ADGRL4: variants seen among roughly 807,000 people sequenced by gnomAD.
ADGRL4 encodes the protein adhesion G protein-coupled receptor L4, also known as EGF, latrophilin and seven transmembrane domain containing 1.
In ADGRL4, 90 loss-of-function variants were observed where a neutral mutation model predicts 74.8. The observed-to-expected ratio is 1.20, with a 90% CI of 1.02 to 1.43. The LOEUF (loss-of-function observed/expected upper bound fraction) is 1.43. Among genes scored for constraint, ADGRL4 ranks in the 40% most tolerant of loss-of-function variants. The probability of loss-of-function intolerance (pLI) is 0.00; values close to 1 mark genes in which losing one functional copy is unlikely to be tolerated. For synonymous variants in ADGRL4, 311 were observed against 279.2 expected, an observed-to-expected ratio of 1.11 and a Z score of -1.14; for missense variants, 881 against 814.3, an observed-to-expected ratio of 1.08 and a Z score of -1.00.
chr1:78,920,176 T>C lies in ADGRL4; in HGVS notation c.1461+7A>G. On this transcript the variant is annotated splice_region_variant and intron_variant, in intron 10 of 14. Transcript: ENST00000370742. ...GGACAAAAATAGAGATTAGGATGCC[T>C]ACATACCTTATTAGTATTTGTATTG... 6.2e-7 allele frequency: 1 copy of C among 1,604,362 alleles called. No individual in the cohort carries two copies. Among genetic ancestry groups the C allele is most frequent in the Non-Finnish European group, 8.5e-7 (1 of 1,173,500 alleles).
At position 78,936,426 on chromosome 1, in the gene ADGRL4, T is replaced by C. The variant is rs199605891; in HGVS notation, c.761-15A>G. ...AACTTTGAGAGCTGAAACAAAACCA[T>C]GAAAATAAAAAAAGTGAAATTACTT... is the stretch of plus-strand genomic sequence containing the variant. On this transcript the variant is annotated splice_polypyrimidine_tract_variant and intron_variant, in intron 6 of 14. Transcript: ENST00000370742. 1 of 1,553,526 alleles carries C rather than the reference T, an allele frequency of 6.4e-7. No individual in the cohort carries two copies. The highest frequency in any genetic ancestry group is 2.2e-5 in the Admixed American group (1 of 45,686).
chr1:79,000,170 T>C (rs991864412), intron 2 of ADGRL4, among the ~76,000 whole-genome samples: 2 of 152,124 alleles, frequency 1.3e-5, no homozygotes, highest in African/African-American at 4.8e-5. Flanking sequence ...TAGATAATAC[T>C]GATTAAAAAT....
intron 2 of ADGRL4, among the ~76,000 whole-genome samples, chr1:78,968,649 C>T (rs1031858966): frequency 2.0e-5 from 3 of 152,062 alleles, no homozygotes; most frequent in African/African-American, 7.2e-5. Context: ...CTTTATAGCA[C>T]CTTCTTTGGT....
intron 3 of ADGRL4, among the ~76,000 whole-genome samples, chr1:78,940,591 C>T (rs1649455727): frequency 6.6e-6 from 1 of 152,052 alleles, no homozygotes; most frequent in Non-Finnish European, 1.5e-5. Context: ...TAGATCATTA[C>T]CTTGAATTAA....
chr1:78,962,746 T>C (rs1256744438), intron 2 of ADGRL4, among the ~76,000 whole-genome samples: 1 of 152,202 alleles, frequency 6.6e-6, no homozygotes, highest in Non-Finnish European at 1.5e-5. Context: ...TCAGTGATTT[T>C]TTTTTTCATC....
At chr1:78,891,335 G>C in intron 14 of ADGRL4, 119 bp from the exon 15 acceptor site, 1 of 1,249,720 alleles carries the variant, frequency 8.0e-7, no homozygotes, top group Non-Finnish European at 1.1e-6. Flanking sequence ...CTCAGAATAT[G>C]TCCATTTAAG....
intron 12 of ADGRL4, among the ~76,000 whole-genome samples, chr1:78,910,634 C>T (rs1354443095): frequency 6.6e-6 from 1 of 151,710 alleles, no homozygotes; most frequent in Non-Finnish European, 1.5e-5. Context: ...TGAATCTAAT[C>T]ACTTACATAG....
chr1:78,898,866 T>C (rs1303678523), intron 12 of ADGRL4, among the ~76,000 whole-genome samples: 3 of 152,170 alleles, frequency 2.0e-5, no homozygotes, highest in Non-Finnish European at 4.4e-5. Context: ...TGTGTTAAAA[T>C]TTTTTAAGTG....
chr1:78,945,177 A>AAAAAAAATATAT (rs376405445), intron 3 of ADGRL4, among the ~76,000 whole-genome samples: 1 of 127,924 alleles, frequency 7.8e-6, no homozygotes, highest in African/African-American at 2.9e-5. Context: ...AAAAAAAAAA[A>AAAAAAAATATAT]ATATATATAT....
intron 1 of ADGRL4, 23 bp from the exon 2 acceptor site, chr1:79,005,242 C>T (rs756465602): frequency 9.0e-6 from 14 of 1,561,166 alleles, no homozygotes; most frequent in African/African-American, 1.4e-5. Flanking sequence ...GAGAAATACA[C>T]CTTTTCAAAA....
At chr1:78,921,567 A>C (rs766918147) in intron 9 of ADGRL4, 46 bp downstream of exon 9, 10 of 1,252,652 alleles carry the variant, frequency 8.0e-6, no homozygotes, top group African/African-American at 7.8e-5. Flanking sequence ...CGGAAAAAAA[A>C]CAGAAAAAGC....
intron 6 of ADGRL4, 43 bp from the exon 7 acceptor site, chr1:78,936,454 A>C (rs1377918172): frequency 7.0e-7 from 1 of 1,438,052 alleles, no homozygotes; most frequent in African/African-American, 1.5e-5. Flanking sequence ...AATTACTTTA[A>C]TCAATATACA....
chr1:78,899,592 C>T lies in ADGRL4; in HGVS notation c.1750-6403G>A, dbSNP rs146195940. Among the ~76,000 whole-genome samples, 59 of 152,190 alleles carry T rather than the reference C, an allele frequency of 3.9e-4. No homozygotes were observed. The East Asian group carries it at 0.011, about 27-fold the overall frequency. ...CTGTTCTCAAACTTCTGGGCTCAAG[C>T]GATCTGTCCACCTAGGTCTCCCAAA... On this transcript the variant is annotated intron_variant, in intron 12 of 14. Transcript: ENST00000370742.
intron 2 of ADGRL4, among the ~76,000 whole-genome samples, chr1:78,995,953 G>A (rs551366090): frequency 6.0e-4 from 91 of 152,242 alleles, no homozygotes; most frequent in African/African-American, 2.1e-3. Context: ...GTAACGATGG[G>A]TTTTGGTTGT....
intron 2 of ADGRL4, among the ~76,000 whole-genome samples, chr1:78,975,541 C>T (rs1650259071): frequency 6.6e-6 from 1 of 151,796 alleles, no homozygotes; most frequent in Non-Finnish European, 1.5e-5. Flanking sequence ...TATGTAGGCC[C>T]AGGATGACAT....
intron 2 of ADGRL4, among the ~76,000 whole-genome samples, chr1:78,968,099 C>A (rs992044187): frequency 6.6e-6 from 1 of 152,024 alleles, no homozygotes; most frequent in African/African-American, 2.4e-5. Flanking sequence ...ATAAAGCTAA[C>A]ATATATTCCA....
In ADGRL4 at chr1:79,005,152, A is replaced by T; in HGVS notation, c.90T>A (p.Asn30Lys). The T allele has an allele frequency of 6.2e-7, 1 of 1,613,750 alleles. No individual in the cohort carries two copies. Among genetic ancestry groups the T allele is most frequent in the Non-Finnish European group, 8.5e-7 (1 of 1,179,786 alleles). The stretch of plus-strand genomic sequence containing the variant: ...TTCCATTGCGTATTTCACATTTTGC[A>T]TTTGGGAGACAAGGTGTCTTGGTGC... ...QNCTKTPCLPNAKCEIRNGIE... is the reference protein window; with the variant it reads ...QNCTKTPCLPKAKCEIRNGIE... The change falls in exon 2 of 15, where the codon AAT becomes AAA. Residue 30 changes from asparagine (N) to lysine (K), a missense_variant. By Grantham distance (94) the Asn-to-Lys change is moderately conservative. Transcript: ENST00000370742.
chr1:78,900,106 C>G (rs2100654126), intron 12 of ADGRL4, among the ~76,000 whole-genome samples: 1 of 152,200 alleles, frequency 6.6e-6, no homozygotes, highest in African/African-American at 2.4e-5. Context: ...ACACCAACAG[C>G]TGTTGCTGGC....
chr1:78,999,347 C>A (rs1012701143), intron 2 of ADGRL4, among the ~76,000 whole-genome samples: 1 of 152,100 alleles, frequency 6.6e-6, no homozygotes, highest in South Asian at 2.1e-4. Flanking sequence ...CACCTTTCTA[C>A]CAGAATTTTC....
Sources: allele counts gnomAD v4.1 joint callset (sites outside exome capture counted in the v4.1 genomes callset), GRCh38; gene constraint gnomAD v4.1.1; transcripts MANE v1.5; gene names NCBI Gene and HGNC (gene_info 2026-07-23, HGNC 2026-07-21).